The following KIAA1671 variants were observed in gnomAD, a reference collection of about 807,000 sequenced individuals.
The protein encoded by KIAA1671 is uncharacterized protein KIAA1671.
A neutral mutation model predicts 131.2 loss-of-function variants in KIAA1671; 52 were observed. That is an observed-to-expected ratio of 0.40 (90% CI 0.32 to 0.50). KIAA1671 has a LOEUF of 0.50. KIAA1671 is among the 20% of genes least tolerant of loss of function. The pLI is 0.73. For synonymous variants in KIAA1671, 1,003 were observed against 961.6 expected (o/e 1.04, Z -0.80); for missense variants, 2,360 against 2,364.2 (o/e 1.00, Z 0.04).
intron 6 of KIAA1671, chr22:25,059,627 G>C (rs1928047286): frequency 6.6e-6 from 1 of 152,414 alleles, no homozygotes; most frequent in Non-Finnish European, 1.5e-5. Context: ...CTGGTGGCAG[G>C]GGAACTAGAA....
At chr22:24,988,013 C>T (rs554608317) in intron 1 of KIAA1671, among the ~76,000 whole-genome samples, 83 of 151,862 alleles carry the variant, frequency 5.5e-4, no homozygotes, top group Non-Finnish European at 9.7e-4. Flanking sequence ...CGGTGGTTCA[C>T]GCCTGTAATC....
At chr22:25,184,899 G>A (rs1934418079) in intron 10 of KIAA1671, 78 bp from the exon 11 acceptor site, 2 of 1,519,546 alleles carry the variant, frequency 1.3e-6, no homozygotes, top group Non-Finnish European at 1.8e-6. Flanking sequence ...AAGGCTCATT[G>A]TACCTGACAT....
At chr22:25,159,750 C>T (rs769374944) in intron 6 of KIAA1671, among the ~76,000 whole-genome samples, 9 of 152,176 alleles carry the variant, frequency 5.9e-5, no homozygotes, top group Non-Finnish European at 1.2e-4. Flanking sequence ...TGGATTTGCT[C>T]TGGTCTGCTC....
intron 6 of KIAA1671, among the ~76,000 whole-genome samples, chr22:25,093,788 C>G (rs372144280): frequency 0.024 from 2,242 of 93,508 alleles, 19 homozygotes; most frequent in Non-Finnish European, 0.032. Flanking sequence ...CTCTCTCTCT[C>G]TCTCTCTCTC....
intron 1 of KIAA1671, among the ~76,000 whole-genome samples, chr22:24,984,807 G>C (rs990130012): frequency 6.6e-6 from 1 of 151,636 alleles, no homozygotes; most frequent in South Asian, 2.1e-4. Context: ...CCAGCTACTC[G>C]GGAAGCTGAG....
intron 6 of KIAA1671, among the ~76,000 whole-genome samples, chr22:25,089,664 C>T (rs1392968601): frequency 6.6e-6 from 1 of 152,130 alleles, no homozygotes; most frequent in African/African-American, 2.4e-5. Flanking sequence ...TGAGATTTTT[C>T]TATATCAGCA....
chr22:25,142,198 G>A (rs767084634), intron 6 of KIAA1671, among the ~76,000 whole-genome samples: 10 of 152,124 alleles, frequency 6.6e-5, no homozygotes, highest in Non-Finnish European at 1.3e-4. Context: ...GTACTTTAGC[G>A]GCAGCCTCTG....
At chr22:25,109,276 A>G (rs1931207202) in intron 6 of KIAA1671, among the ~76,000 whole-genome samples, 1 of 151,894 alleles carries the variant, frequency 6.6e-6, no homozygotes, top group Admixed American at 6.6e-5. Context: ...TGCCCGGCTA[A>G]TTTTTGTAGT....
chr22:25,096,804 T>A (rs116254659), intron 6 of KIAA1671, among the ~76,000 whole-genome samples: 437 of 152,318 alleles, frequency 2.9e-3, no homozygotes, highest in African/African-American at 8.9e-3. Flanking sequence ...CAAGCAACCA[T>A]GATCTGCTTT....
intron 6 of KIAA1671, among the ~76,000 whole-genome samples, chr22:25,072,553 CG>C (rs1568940632): frequency 6.6e-6 from 1 of 152,074 alleles, no homozygotes; most frequent in Non-Finnish European, 1.5e-5. Flanking sequence ...TTAACAAGAC[CG>C]GGATCTTAGA....
chr22:25,049,015 G>A (rs1927391151), intron 5 of KIAA1671: 2 of 567,790 alleles, frequency 3.5e-6, no homozygotes. Context: ...GCACCCACCT[G>A]AGGTCACACA....
chr22:25,060,632 A>AG (rs1928108152), intron 6 of KIAA1671: 1 of 152,316 alleles, frequency 6.6e-6, no homozygotes, highest in East Asian at 1.9e-4. Flanking sequence ...CGGGAAACTG[A>AG]GGGTTGGCAA....
chr22:25,036,944 T>A (rs1409950649), intron 4 of KIAA1671, among the ~76,000 whole-genome samples: 1 of 151,428 alleles, frequency 6.6e-6, no homozygotes, highest in African/African-American at 2.4e-5. Context: ...AAATAAAAAA[T>A]AAAAAAAGCT....
chr22:24,967,792 A>G (rs991018921), intron 1 of KIAA1671, among the ~76,000 whole-genome samples: 6 of 152,170 alleles, frequency 3.9e-5, no homozygotes, highest in African/African-American at 1.4e-4. Flanking sequence ...GGAGATCGAG[A>G]CCATCCTGGC....
intron 1 of KIAA1671, among the ~76,000 whole-genome samples, chr22:25,019,855 T>C (rs1248533734): frequency 6.6e-6 from 1 of 152,158 alleles, no homozygotes; most frequent in Non-Finnish European, 1.5e-5. Context: ...TGTGATGGGA[T>C]TTTTGTGCAG....
chr22:25,143,546 C>T (rs554559286), intron 6 of KIAA1671, among the ~76,000 whole-genome samples: 44 of 152,268 alleles, frequency 2.9e-4, no homozygotes, highest in Non-Finnish European at 2.9e-4. Flanking sequence ...TATAAATTGT[C>T]ATGGGCTGTG....
chr22:25,084,877 G>C (rs1000473150), intron 6 of KIAA1671, among the ~76,000 whole-genome samples: 5 of 152,254 alleles, frequency 3.3e-5, no homozygotes, highest in Admixed American at 3.3e-4. Context: ...GTCAACCAGA[G>C]CACTGAAACA....
chr22:25,080,426 C>T (rs2145863244), intron 6 of KIAA1671, among the ~76,000 whole-genome samples: 1 of 152,328 alleles, frequency 6.6e-6, no homozygotes, highest in Non-Finnish European at 1.5e-5. Context: ...AAGAGGTACC[C>T]AGAGCCTTTG....
At chr22:25,083,664 A>C (rs1929530442) in intron 6 of KIAA1671, among the ~76,000 whole-genome samples, 1 of 152,190 alleles carries the variant, frequency 6.6e-6, no homozygotes, top group Non-Finnish European at 1.5e-5. Context: ...GCACTGTGTT[A>C]GTTTATGTCT....
Sources: gnomAD v4.1 joint callset for allele counts (sites outside exome capture counted in the v4.1 genomes callset) on GRCh38, gnomAD v4.1.1 for gene constraint, MANE v1.5 for transcripts, NCBI Gene and HGNC (gene_info 2026-07-23, HGNC 2026-07-21) for gene names.